CNIH3: variants seen among roughly 807,000 people sequenced by gnomAD.
CNIH3 encodes cornichon family AMPA receptor auxiliary protein 3.
In CNIH3, 14 loss-of-function variants were observed where a neutral mutation model predicts 24.1. The ratio of observed to expected loss-of-function variants is 0.58; its 90% CI spans 0.38 to 0.91. The LOEUF (loss-of-function observed/expected upper bound fraction) is 0.91, where lower values mean the gene tolerates loss of function less well. Among genes scored for constraint, CNIH3 ranks in the 40% least tolerant of loss-of-function variants. The pLI, the probability that CNIH3 is intolerant of heterozygous loss-of-function variation, is 0.00. For missense variants in CNIH3, 178 were observed against 196.8 expected, an observed-to-expected ratio of 0.90 and a Z score of 0.57; for synonymous variants, 68 against 73.8, an observed-to-expected ratio of 0.92 and a Z score of 0.40.
intron 4 of CNIH3, among the ~76,000 whole-genome samples, chr1:224,570,752 TTGTA>T (rs1680782806): frequency 6.6e-6 from 1 of 152,200 alleles, no homozygotes; most frequent in African/African-American, 2.4e-5. Flanking sequence ...TACAACAACT[TTGTA>T]TGCAATCTTT....
intron 3 of CNIH3, among the ~76,000 whole-genome samples, chr1:224,719,293 G>A (rs1039347795): frequency 2.6e-5 from 4 of 152,096 alleles, no homozygotes; most frequent in Non-Finnish European, 4.4e-5. Context: ...AGCATGGGGA[G>A]CTTTTATTGC....
chr1:224,567,433 A>G (rs1680625952), intron 4 of CNIH3, among the ~76,000 whole-genome samples: 1 of 152,190 alleles, frequency 6.6e-6, no homozygotes, highest in Non-Finnish European at 1.5e-5. Context: ...TTAGACATGA[A>G]GTCTTTGCCC....
Position 224,475,044 on chromosome 1 carries a change from C to CAA in CNIH3, n.203+40191_203+40192dup, listed in dbSNP as rs542566183. ...TGAGCGACAGAAGGAGACTCCATCT[C>CAA]AAAAAAAAAAGAAAAAAAAAAAAGA... On this transcript the variant is annotated intron_variant and non_coding_transcript_variant, in intron 1 of 5. Transcript: ENST00000471578. Among the ~76,000 whole-genome samples, 356 of 91,850 alleles carry CAA rather than the reference C, an allele frequency of 3.9e-3. 2 individuals are homozygous for CAA. The highest frequency in any genetic ancestry group is 8.9e-3 in the Middle Eastern group (1 of 112). 60.3% of individuals were successfully genotyped at this position (91,850 alleles called of 152,430 possible).
downstream of CNIH3, among the ~76,000 whole-genome samples, chr1:224,592,578 T>G (rs1681805331): frequency 6.6e-6 from 1 of 152,206 alleles, no homozygotes; most frequent in Non-Finnish European, 1.5e-5. Context: ...ATTTCACATC[T>G]GACGGGAAAG....
At chr1:224,551,721 C>G (rs1324584560) in intron 3 of CNIH3, among the ~76,000 whole-genome samples, 2 of 151,492 alleles carry the variant, frequency 1.3e-5, no homozygotes, top group African/African-American at 4.8e-5. Context: ...AGTATATCGC[C>G]CTTAGATATT....
At chr1:224,531,632 AAG>A (rs1442381632) in intron 2 of CNIH3, among the ~76,000 whole-genome samples, 1 of 152,246 alleles carries the variant, frequency 6.6e-6, no homozygotes, top group African/African-American at 2.4e-5. Context: ...TCTTTATCCT[AAG>A]AGTAACGGGA....
chr1:224,625,902 C>A (rs1683502660), intron 1 of CNIH3, among the ~76,000 whole-genome samples: 1 of 152,124 alleles, frequency 6.6e-6, no homozygotes, highest in Non-Finnish European at 1.5e-5. Context: ...TGATTTTGTG[C>A]TTCAAGATAG....
chr1:224,439,853 A>G (rs1353995181), intron 1 of CNIH3, among the ~76,000 whole-genome samples: 1 of 151,722 alleles, frequency 6.6e-6, no homozygotes, highest in African/African-American at 2.4e-5. Flanking sequence ...CAGTGGCGCA[A>G]TCTCGGCTCA....
chr1:224,633,885 C>T (rs1345806392), intron 1 of CNIH3, among the ~76,000 whole-genome samples: 1 of 152,248 alleles, frequency 6.6e-6, no homozygotes, highest in African/African-American at 2.4e-5. Context: ...GTCACCTCGC[C>T]TGTATTCAGG....
chr1:224,567,122 T>C (rs1680612740), intron 4 of CNIH3, among the ~76,000 whole-genome samples: 1 of 152,370 alleles, frequency 6.6e-6, no homozygotes, highest in East Asian at 1.9e-4. Flanking sequence ...TGACCAGTGA[T>C]GATGAGCATT....
At chr1:224,561,638 G>A (rs1311096220) in intron 3 of CNIH3, among the ~76,000 whole-genome samples, 1 of 152,208 alleles carries the variant, frequency 6.6e-6, no homozygotes, top group Non-Finnish European at 1.5e-5. Flanking sequence ...TAGAACTGCA[G>A]TGTGGTCTGA....
intron 2 of CNIH3, among the ~76,000 whole-genome samples, chr1:224,523,808 C>T (rs1416447000): frequency 6.6e-6 from 1 of 152,136 alleles, no homozygotes; most frequent in Admixed American, 6.5e-5. Context: ...TATCCCTGAG[C>T]TGCAGGGCAA....
rs1363494868 is a variant in CNIH3, at chr1:224,705,854, TTTTTC to T, written c.198+21016_198+21020del. On this transcript the variant is annotated intron_variant, in intron 3 of 5. Transcript: ENST00000272133. Reference sequence around the variant, plus strand: ...TTTCTTTTCTCTCTTTCTTTTCTTTTTTTTCTTTTTTTTTTTTTTTGAGCTGAACC... The same window carrying T: ...TTTCTTTTCTCTCTTTCTTTTCTTTTTTTTTTTTTTTTTTTGAGCTGAACC... Among the ~76,000 whole-genome samples, 36 of 106,984 alleles carry T rather than the reference TTTTTC, an allele frequency of 3.4e-4. 1 individual carries two copies. Among genetic ancestry groups the T allele is most frequent in the African/African-American group, 9.9e-4 (34 of 34,274 alleles). 70.2% of individuals were successfully genotyped at this position (106,984 alleles called of 152,430 possible).
In CNIH3 at chr1:224,581,359, C is replaced by T. The variant is rs139749792; in HGVS notation, n.517-1805C>T. Among the ~76,000 whole-genome samples the T allele has an allele frequency of 8.9e-3, 1,352 of 152,208 alleles. 19 individuals are homozygous for T. Among genetic ancestry groups the T allele is most frequent in the African/African-American group, 0.027 (1,102 of 41,500 alleles). ...AAAGGCATCATTACAGGGAAAAGACCGGAAATCATTGCTTAGTGATTCCTA... is the reference window on the plus strand; with the variant it reads ...AAAGGCATCATTACAGGGAAAAGACTGGAAATCATTGCTTAGTGATTCCTA... On this transcript the variant is annotated intron_variant and non_coding_transcript_variant, in intron 4 of 5. Coordinates refer to the CNIH3 transcript ENST00000471578.
At chr1:224,496,399 C>T (rs1282595292) in intron 1 of CNIH3, among the ~76,000 whole-genome samples, 1 of 152,194 alleles carries the variant, frequency 6.6e-6, no homozygotes, top group Non-Finnish European at 1.5e-5. Context: ...GATGACACCC[C>T]TTCTGCTACC....
At chr1:224,434,766 T>A (rs1243282312) in exon 1 of CNIH3, 1 of 985,906 alleles carries the variant, frequency 1.0e-6, no homozygotes, top group East Asian at 1.1e-4. Flanking sequence ...TGCTCCCTGG[T>A]GTGTTGATTC....
At chr1:224,574,822 A>G in intron 4 of CNIH3, 1 of 938,424 alleles carries the variant, frequency 1.1e-6, no homozygotes. Flanking sequence ...GAGCCAGGTA[A>G]TGGTAATGTG....
intron 3 of CNIH3, among the ~76,000 whole-genome samples, chr1:224,714,511 G>A (rs932061973): frequency 3.3e-5 from 5 of 152,220 alleles, no homozygotes; most frequent in African/African-American, 1.2e-4. Context: ...GGAGTGTCAG[G>A]AGCAGCTTCC....
intron 3 of CNIH3, among the ~76,000 whole-genome samples, chr1:224,698,801 G>A (rs537752072): frequency 7.2e-5 from 11 of 152,320 alleles, no homozygotes; most frequent in South Asian, 2.1e-4. Context: ...GTTCACTTGC[G>A]GAACTCTGCC....
Sources: allele counts gnomAD v4.1 joint callset (sites outside exome capture counted in the v4.1 genomes callset), GRCh38; gene constraint gnomAD v4.1.1; transcripts MANE v1.5; gene names NCBI Gene and HGNC (gene_info 2026-07-23, HGNC 2026-07-21).